The following ENPP6 variants were observed in gnomAD, a reference collection of about 807,000 sequenced individuals.
ENPP6 encodes the protein ectonucleotide pyrophosphatase/phosphodiesterase 6.
Under a neutral mutation model 42.0 loss-of-function variants are expected in ENPP6, and 32 were observed. That is an observed-to-expected ratio of 0.76 (90% CI 0.58 to 1.02). ENPP6 has a LOEUF of 1.02. ENPP6 is among the 50% of genes least tolerant of loss of function. The pLI is 0.00. For synonymous variants in ENPP6, 213 were observed against 216.0 expected (o/e 0.99, Z 0.12); for missense variants, 552 against 566.8 (o/e 0.97, Z 0.27).
At chr4:184,166,510 C>T (rs1037225295) in intron 1 of ENPP6, among the ~76,000 whole-genome samples, 3 of 151,992 alleles carry the variant, frequency 2.0e-5, no homozygotes, top group Non-Finnish European at 4.4e-5. Context: ...AAATGTGAGC[C>T]CTGAAGTTTT....
intron 1 of ENPP6, among the ~76,000 whole-genome samples, chr4:184,174,179 C>T (rs1451226431): frequency 2.7e-5 from 4 of 149,562 alleles, no homozygotes; most frequent in African/African-American, 7.4e-5. Flanking sequence ...ACTCTGTCAC[C>T]GAGGCTGGAG....
At position 184,181,616 on chromosome 4, in the gene ENPP6, A is replaced by C. The variant is rs185754501; in HGVS notation, c.242-27883T>G. 6.1e-3 allele frequency among the ~76,000 whole-genome samples: 928 copies of C among 152,362 alleles called. 6 individuals are homozygous for C. Among genetic ancestry groups the C allele is most frequent in the Admixed American group, 9.2e-3 (141 of 15,304 alleles). Reference sequence around the variant, plus strand: ...ATGCTACCTGACTTCAAACTATACTACAAGGCTACAGTAACCAAAACAGCA... The same window carrying C: ...ATGCTACCTGACTTCAAACTATACTCCAAGGCTACAGTAACCAAAACAGCA... On this transcript the variant is annotated intron_variant, in intron 1 of 7. Coordinates refer to ENST00000296741, the MANE Select transcript of ENPP6 (RefSeq NM_153343.4).
intron 1 of ENPP6, among the ~76,000 whole-genome samples, chr4:184,194,336 G>A (rs201681570): frequency 6.6e-6 from 1 of 152,142 alleles, no homozygotes; most frequent in Non-Finnish European, 1.5e-5. Flanking sequence ...CTGGAGCAAC[G>A]AACAGTCACG....
intron 6 of ENPP6, among the ~76,000 whole-genome samples, chr4:184,101,947 G>T (rs1223017771): frequency 6.6e-6 from 1 of 152,200 alleles, no homozygotes; most frequent in Non-Finnish European, 1.5e-5. Context: ...AGGCTTGCGC[G>T]CTTTCCTGCC....
chr4:184,131,844 G>GGT (rs1418384854), intron 2 of ENPP6, among the ~76,000 whole-genome samples: 1 of 135,516 alleles, frequency 7.4e-6, no homozygotes, highest in Non-Finnish European at 1.6e-5. Context: ...TATATAAAGA[G>GGT]GTATATTATG....
chr4:184,203,845 G>C (rs1396235334), intron 1 of ENPP6: 1 of 152,182 alleles, frequency 6.6e-6, no homozygotes, highest in Non-Finnish European at 1.5e-5. Flanking sequence ...CATGGAAGTG[G>C]GCTGTGTAAA....
intron 1 of ENPP6, among the ~76,000 whole-genome samples, chr4:184,156,763 G>A (rs1186520403): frequency 6.6e-6 from 1 of 152,266 alleles, no homozygotes; most frequent in Non-Finnish European, 1.5e-5. Flanking sequence ...ACTGCTGTAT[G>A]AAGGGGGTGG....
chr4:184,112,751 G>T lies in ENPP6; in HGVS notation c.914C>A (p.Pro305Gln). ...TCCTTTCTTGTAATAGAACCTGCTT[G>T]GGATGGCTTCTTTCTCGTAGACAGT... is the stretch of plus-strand genomic sequence containing the variant. ...HMTVYEKEAI[P>Q]SRFYYKKGKF... The change falls in exon 6 of 8, where the codon CCA (proline) becomes CAA (glutamine). Residue 305 changes from proline (P) to glutamine (Q), a missense_variant. Physicochemically the swap from Pro to Gln is moderately conservative, Grantham distance 76. Coordinates refer to ENST00000296741, the MANE Select transcript of ENPP6 (RefSeq NM_153343.4). 1 of 1,614,092 alleles carries T rather than the reference G, an allele frequency of 6.2e-7. No homozygotes were observed. The highest frequency in any genetic ancestry group is 8.5e-7 in the Non-Finnish European group (1 of 1,180,016).
At chr4:184,147,058 C>T (rs898547949) in intron 2 of ENPP6, among the ~76,000 whole-genome samples, 6 of 152,142 alleles carry the variant, frequency 3.9e-5, no homozygotes, top group African/African-American at 9.7e-5. Context: ...GCCGGCTCGA[C>T]GTCCCAGAGC....
chr4:184,149,306 C>T (rs777587791), intron 2 of ENPP6, among the ~76,000 whole-genome samples: 2 of 152,202 alleles, frequency 1.3e-5, no homozygotes, highest in Non-Finnish European at 2.9e-5. Context: ...CAAGGACCTA[C>T]CATGGCAGGA....
At chr4:184,166,066 G>T (rs559141379) in intron 1 of ENPP6, among the ~76,000 whole-genome samples, 9 of 152,292 alleles carry the variant, frequency 5.9e-5, no homozygotes, top group African/African-American at 2.2e-4. Flanking sequence ...AATTTGCCTT[G>T]CAGATAACCT....
Position 184,154,887 on chromosome 4 carries a change from A to G in ENPP6, c.242-1154T>C, listed in dbSNP as rs4861604. 1.0e-2 allele frequency among the ~76,000 whole-genome samples: 1,518 copies of G among 152,338 alleles called. 15 individuals carry two copies. The highest frequency in any genetic ancestry group is 0.017 in the Admixed American group (257 of 15,296). On this transcript the variant is annotated intron_variant, in intron 1 of 7. Transcript: ENST00000296741. ...GAGCAATTTTGGCAATGGTTAAGGA[A>G]GTTATTTTATTTATTGTTTCAACTA...
chr4:184,113,899 T>TTTTCTTTCTTTCTTTCTTTTC (rs1736257534), intron 5 of ENPP6, among the ~76,000 whole-genome samples: 73 of 103,706 alleles, frequency 7.0e-4, no homozygotes, highest in Middle Eastern at 5.0e-3. Flanking sequence ...CCTTTCTTTC[T>TTTTCTTTCTTTCTTTCTTTTC]TTTCTTTCTT....
At position 184,198,140 on chromosome 4, in the gene ENPP6, C is replaced by T. The variant is rs192947974; in HGVS notation, c.241+19439G>A. 7.4e-4 allele frequency among the ~76,000 whole-genome samples: 113 copies of T among 152,342 alleles called. 1 individual carries two copies. The highest frequency in any genetic ancestry group is 2.1e-3 in the South Asian group (10 of 4,830). ...TTGTTAGAAAAGAGTGCAACCTCAG[C>T]CAACAGACGGGGCTTGGCAGCAAAA... On this transcript the variant is annotated intron_variant, in intron 1 of 7. Transcript: ENST00000296741.
intron 1 of ENPP6, among the ~76,000 whole-genome samples, chr4:184,162,426 C>T (rs529485275): frequency 6.6e-6 from 1 of 152,094 alleles, no homozygotes; most frequent in South Asian, 2.1e-4. Flanking sequence ...AAGACAACTT[C>T]AATAATCTAT....
chr4:184,116,990 G>C lies in ENPP6; in HGVS notation c.721C>G (p.His241Asp), dbSNP rs1353645538. The change falls in exon 5 of 8, where the codon CAC (histidine) becomes GAC (aspartate). Residue 241 changes from histidine (H) to aspartate (D), a missense_variant. Transcript: ENST00000296741. Reference protein sequence around the residue: ...DRLNVIIFSDHGMTDIFWMDK... With the variant: ...DRLNVIIFSDDGMTDIFWMDK... ...ATCCAGAAAATGTCGGTCATTCCGT[G>C]ATCCGAGAAAATAATGACGTTCAGG... 9.9e-6 allele frequency: 16 copies of C among 1,614,072 alleles called. No individual in the cohort carries two copies. Among genetic ancestry groups the C allele is most frequent in the Non-Finnish European group, 1.3e-5 (15 of 1,180,052 alleles).
intron 6 of ENPP6, among the ~76,000 whole-genome samples, chr4:184,105,623 G>A (rs539946076): frequency 2.0e-5 from 3 of 152,270 alleles, no homozygotes; most frequent in African/African-American, 7.2e-5. Context: ...AATTGAGGAG[G>A]TACTTCATTC....
chr4:184,114,113 C>T (rs1225430166), intron 5 of ENPP6, among the ~76,000 whole-genome samples: 2 of 151,966 alleles, frequency 1.3e-5, no homozygotes, highest in African/African-American at 2.4e-5. Flanking sequence ...CTACAGGCAC[C>T]CACTGCTACA....
chr4:184,212,217 C>T (rs1277770913), intron 1 of ENPP6, among the ~76,000 whole-genome samples: 1 of 151,784 alleles, frequency 6.6e-6, no homozygotes, highest in Admixed American at 6.5e-5. Flanking sequence ...CTATTCAACC[C>T]AGTGTTGGAA....
Sources: gnomAD v4.1 joint callset for allele counts (sites outside exome capture counted in the v4.1 genomes callset) on GRCh38, gnomAD v4.1.1 for gene constraint, MANE v1.5 for transcripts, NCBI Gene and HGNC (gene_info 2026-07-23, HGNC 2026-07-21) for gene names.